HDAC9: variants seen among roughly 807,000 people sequenced by gnomAD.
HDAC9 encodes the protein MEF-2 interacting transcription repressor (MITR) protein.
Under a neutral mutation model 139.4 loss-of-function variants are expected in HDAC9, and 41 were observed. The observed-to-expected ratio is 0.29, with a 90% CI of 0.23 to 0.38. The LOEUF (loss-of-function observed/expected upper bound fraction) is 0.38, where lower values mean the gene tolerates loss of function less well. HDAC9 is among the 10% of genes least tolerant of loss of function. The pLI, the probability that HDAC9 is intolerant of heterozygous loss-of-function variation, is 1.00. For missense variants in HDAC9, 1,147 were observed against 1,297.0 expected (o/e 0.88, Z 1.78); for synonymous variants, 517 against 476.2 (o/e 1.09, Z -1.12).
chr7:18,319,315 A>G (rs1456219157), intron 1 of HDAC9, among the ~76,000 whole-genome samples: 1 of 152,096 alleles, frequency 6.6e-6, no homozygotes, highest in Non-Finnish European at 1.5e-5. Flanking sequence ...TTTTGTGTTT[A>G]TGCATTTAAA....
At chr7:18,471,899 G>A (rs1794754509) in intron 1 of HDAC9, among the ~76,000 whole-genome samples, 1 of 151,878 alleles carries the variant, frequency 6.6e-6, no homozygotes, top group South Asian at 2.1e-4. Flanking sequence ...GTTGATTTTG[G>A]TGCCTTTAAG....
At chr7:18,792,439 G>A (rs1055943586) in intron 16 of HDAC9, among the ~76,000 whole-genome samples, 1 of 151,556 alleles carries the variant, frequency 6.6e-6, no homozygotes, top group African/African-American at 2.4e-5. Flanking sequence ...TTTATGTTAT[G>A]AAGTATTTTA....
chr7:18,690,153 C>T (rs1047832171), intron 12 of HDAC9, among the ~76,000 whole-genome samples: 1 of 151,870 alleles, frequency 6.6e-6, no homozygotes, highest in African/African-American at 2.4e-5. Flanking sequence ...GCAAGAGCCC[C>T]CTCATCTGAT....
At chr7:18,837,492 C>T (rs930234463) in intron 21 of HDAC9, among the ~76,000 whole-genome samples, 3 of 151,984 alleles carry the variant, frequency 2.0e-5, no homozygotes, top group Non-Finnish European at 4.4e-5. Flanking sequence ...TTGTCTGCCT[C>T]CCAAGTTAAC....
intron 17 of HDAC9, among the ~76,000 whole-genome samples, chr7:18,817,314 G>T (rs749758465): frequency 6.6e-6 from 1 of 152,014 alleles, no homozygotes; most frequent in South Asian, 2.1e-4. Context: ...GTTTACAGGC[G>T]TGAGCCACCG....
chr7:18,250,709 C>T (rs1794865961), intron 2 of HDAC9, among the ~76,000 whole-genome samples: 1 of 152,196 alleles, frequency 6.6e-6, no homozygotes, highest in Non-Finnish European at 1.5e-5. Flanking sequence ...CTGTCTTCCA[C>T]AATGGTTGAA....
At chr7:18,090,020 T>C (rs1782041320) in intron 1 of HDAC9, among the ~76,000 whole-genome samples, 1 of 152,210 alleles carries the variant, frequency 6.6e-6, no homozygotes, top group African/African-American at 2.4e-5. Context: ...CATACTTAAT[T>C]TTTATTGCAT....
chr7:18,144,529 G>T lies in HDAC9; in HGVS notation c.-96-17700G>T, dbSNP rs117883997. Among the ~76,000 whole-genome samples the T allele has an allele frequency of 8.6e-3, 1,304 of 152,184 alleles. 11 individuals are homozygous for T. Among genetic ancestry groups the T allele is most frequent in the Non-Finnish European group, 0.013 (909 of 68,010 alleles). On this transcript the variant is annotated intron_variant, in intron 1 of 12. Transcript: ENST00000417496. ...TTTCTCTCTTATTTGGAATTCTGCT[G>T]CAGCTTTCTGCCCAGTCTTCCTGTA...
At chr7:18,737,200 A>G (rs1236604054) in intron 13 of HDAC9, among the ~76,000 whole-genome samples, 1 of 152,024 alleles carries the variant, frequency 6.6e-6, no homozygotes, top group African/African-American at 2.4e-5. Context: ...TGGATCATTG[A>G]TTTTTTGAAG....
intron 14 of HDAC9, among the ~76,000 whole-genome samples, chr7:18,752,536 A>G (rs1293499517): frequency 6.6e-6 from 1 of 152,124 alleles, no homozygotes; most frequent in Non-Finnish European, 1.5e-5. Context: ...AGTTGTGTCT[A>G]AAACACGCTA....
Position 18,829,441 on chromosome 7 carries a change from T to C in HDAC9, c.2379-20T>C. The C allele has an allele frequency of 6.4e-7, 1 of 1,557,772 alleles. No individual in the cohort carries two copies. On this transcript the variant is annotated intron_variant, in intron 18 of 25. Coordinates refer to ENST00000686413, the MANE Select transcript of HDAC9 (RefSeq NM_178425.4). ...TGGATGATTTGCTTTCTTATTTCTC[T>C]GTTCTTCTCTATTCCGCAGGGGGTT...
At chr7:18,168,867 T>G (rs1788180801) in intron 2 of HDAC9, among the ~76,000 whole-genome samples, 1 of 141,550 alleles carries the variant, frequency 7.1e-6, no homozygotes, top group Non-Finnish European at 1.5e-5. Context: ...TCTGAGGAGG[T>G]GCAAATGTCT....
chr7:18,919,759 C>A (rs1803523065), intron 22 of HDAC9, among the ~76,000 whole-genome samples: 1 of 151,790 alleles, frequency 6.6e-6, no homozygotes. Flanking sequence ...AAATCAAAAT[C>A]TGACTGTCTT....
At chr7:18,652,780 CTTTG>C (rs748934352) in intron 11 of HDAC9, among the ~76,000 whole-genome samples, 1 of 152,002 alleles carries the variant, frequency 6.6e-6, no homozygotes, top group Non-Finnish European at 1.5e-5. Flanking sequence ...AAAATTCATA[CTTTG>C]TTTAGTAGTT....
rs373095678 is a variant in HDAC9, at chr7:18,585,508, C to G, written c.250C>G (p.Gln84Glu). 6.2e-7 allele frequency: 1 copy of G among 1,613,580 alleles called. No homozygotes were observed. The highest frequency in any genetic ancestry group is 8.5e-7 in the Non-Finnish European group (1 of 1,179,762). ...NLTRQHQAQL[Q>E]EHIKLQQELL... ...GACACGGCAGCACCAGGCTCAGCTT[C>G]AGGAGCATATCAAGGTAGCAAATGC... The change falls in exon 3 of 26, where the codon CAG becomes GAG. Residue 84 changes from glutamine (Q) to glutamate (E), a missense_variant. By Grantham distance (29) the Gln-to-Glu change is conservative (BLOSUM62 2). Coordinates refer to ENST00000686413, the MANE Select transcript of HDAC9 (RefSeq NM_178425.4).
chr7:18,603,944 T>C (rs1380698009), intron 6 of HDAC9, among the ~76,000 whole-genome samples: 2 of 152,140 alleles, frequency 1.3e-5, no homozygotes, highest in Non-Finnish European at 2.9e-5. Flanking sequence ...TACTATACTT[T>C]CTTTTTTATT....
intron 12 of HDAC9, among the ~76,000 whole-genome samples, chr7:18,719,627 A>G (rs1784990833): frequency 6.6e-6 from 1 of 152,008 alleles, no homozygotes; most frequent in African/African-American, 2.4e-5. Context: ...GGTGTGAACC[A>G]CCTTGCCTGA....
chr7:18,172,128 T>C (rs1436504159), intron 2 of HDAC9, among the ~76,000 whole-genome samples: 2 of 152,242 alleles, frequency 1.3e-5, no homozygotes, highest in Admixed American at 1.3e-4. Context: ...CAGAGCCTGT[T>C]ATTGGTCTAT....
chr7:18,090,174 C>G (rs776442410), intron 1 of HDAC9, among the ~76,000 whole-genome samples: 2 of 152,050 alleles, frequency 1.3e-5, no homozygotes, highest in Non-Finnish European at 2.9e-5. Flanking sequence ...ACTGATATAC[C>G]CAACGTTACA....
Sources: gnomAD v4.1 joint callset for allele counts (sites outside exome capture counted in the v4.1 genomes callset) on GRCh38, gnomAD v4.1.1 for gene constraint, MANE v1.5 for transcripts, NCBI Gene and HGNC (gene_info 2026-07-23, HGNC 2026-07-21) for gene names.